C3AR1: variants seen among roughly 807,000 people sequenced by gnomAD.
C3AR1 encodes C3a anaphylatoxin chemotactic receptor.
For synonymous variants in C3AR1, 208 were observed against 225.3 expected (o/e 0.92, Z 0.69); for missense variants, 579 against 583.5 (o/e 0.99, Z 0.08).
chr12:8,058,076 T>C lies in C3AR1; in HGVS notation c.*661A>G, dbSNP rs1410200188. On this transcript the variant is annotated 3_prime_UTR_variant, in exon 2 of 2. Coordinates refer to ENST00000307637, the MANE Select transcript of C3AR1 (RefSeq NM_004054.4). ...CTTATTTAGTTGTAATAGTGGAAAC[T>C]CTATGTAATAGTGGAAATTTCTATA... Among the ~76,000 whole-genome samples the C allele has an allele frequency of 6.6e-6, 1 of 152,218 alleles. No homozygotes were observed.
chr12:8,058,594 A>G lies in C3AR1; in HGVS notation c.*143T>C. On this transcript the variant is annotated 3_prime_UTR_variant, in exon 2 of 2. Coordinates refer to ENST00000307637, the MANE Select transcript of C3AR1 (RefSeq NM_004054.4). The stretch of plus-strand genomic sequence containing the variant: ...AAGTTTCTAGGTGATGCTGATGTCA[A>G]TAGTCTGTGTACCGTTTGAGAACCG... 1.1e-6 allele frequency: 1 copy of G among 877,582 alleles called. No homozygotes were observed. The highest frequency in any genetic ancestry group is 1.8e-5 in the South Asian group (1 of 56,948). 54.4% of individuals were successfully genotyped at this position (877,582 alleles called of 1,614,324 possible).
rs997017656 is a variant in C3AR1, at chr12:8,058,123, C to T, written c.*614G>A. Among the ~76,000 whole-genome samples the T allele has an allele frequency of 6.6e-6, 1 of 152,170 alleles. No homozygotes were observed. The highest frequency in any genetic ancestry group is 1.5e-5 in the Non-Finnish European group (1 of 68,040). On this transcript the variant is annotated 3_prime_UTR_variant, in exon 2 of 2. Transcript: ENST00000307637. ...TATATCCTGTACCCAGGGGTGTTCC[C>T]AGGGACAGGCATCATTGCATAACCC...
At chr12:8,066,172 CAG>C (rs1947328956) in intron 1 of C3AR1, 104 bp downstream of exon 1, 1 of 152,078 alleles carries the variant, frequency 6.6e-6, no homozygotes, top group Non-Finnish European at 1.5e-5. Context: ...AATTCAAAGT[CAG>C]AGAAGGAATA....
At chr12:8,065,170 T>A (rs991268400) in intron 1 of C3AR1, among the ~76,000 whole-genome samples, 2 of 143,016 alleles carry the variant, frequency 1.4e-5, no homozygotes, top group Admixed American at 7.0e-5. Flanking sequence ...AAAATCACAT[T>A]AAAAAAAAAA....
rs777597971 is a variant in C3AR1 at position 8,060,012 on chromosome 12, T to A, written c.174A>T (p.Thr58=). 19 of 1,613,678 alleles carry A rather than the reference T, an allele frequency of 1.2e-5. No homozygotes were observed. The highest frequency in any genetic ancestry group is 1.6e-5 in the Non-Finnish European group (19 of 1,179,968). The part of the protein sequence containing the change: ...AGLKMQRTVN[T]IWFLHLTLAD... ...CCAAGGTGAGGTGGAGGAACCAAAT[T>A]GTGTTCACTGTCCGCTGCATCTTCA... The change falls in exon 2 of 2, where the codon ACA becomes ACT. Residue 58 remains threonine (T), a synonymous_variant. Transcript: ENST00000307637.
intron 1 of C3AR1, among the ~76,000 whole-genome samples, chr12:8,064,887 G>C (rs1947314673): frequency 1.3e-5 from 2 of 151,850 alleles, no homozygotes; most frequent in Admixed American, 6.6e-5. Flanking sequence ...TTGTTTGTTT[G>C]TTTGTTTGTA....
Position 8,059,972 on chromosome 12 carries a change from A to G in C3AR1, c.214T>C (p.Cys72Arg). The change falls in exon 2 of 2, where the codon TGC (cysteine) becomes CGC (arginine). Residue 72 changes from cysteine to arginine, a missense_variant. Coordinates refer to ENST00000307637, the MANE Select transcript of C3AR1 (RefSeq NM_004054.4). ...GCCAGCGAGAAGGGCAAGGAGAGGCAGCAGAGGAGGTCCGCCAAGGTGAGG... is the reference window on the plus strand; with the variant it reads ...GCCAGCGAGAAGGGCAAGGAGAGGCGGCAGAGGAGGTCCGCCAAGGTGAGG... ...LHLTLADLLC[C>R]LSLPFSLAHL... The G allele has an allele frequency of 6.2e-7, 1 of 1,614,174 alleles. No individual in the cohort carries two copies. The highest frequency in any genetic ancestry group is 8.5e-7 in the Non-Finnish European group (1 of 1,180,038).
intron 1 of C3AR1, among the ~76,000 whole-genome samples, chr12:8,061,460 A>G (rs919524746): frequency 3.3e-5 from 5 of 151,328 alleles, no homozygotes; most frequent in African/African-American, 9.7e-5. Context: ...TTTATTTATT[A>G]TTATTATTAT....
chr12:8,059,565 C>G lies in C3AR1; in HGVS notation c.621G>C (p.Met207Ile), dbSNP rs1455286627. Residue 207 changes from methionine to isoleucine, a missense_variant, in exon 2 of 2, where the codon ATG (methionine) becomes ATC (isoleucine). By Grantham distance (10) the Met-to-Ile change is conservative (BLOSUM62 1). Transcript: ENST00000307637. ...LENIVQPPGE[M>I]NDRLDPSSFQ... The stretch of plus-strand genomic sequence containing the variant: ...AAGAGGAAGGATCTAACCTATCATT[C>G]ATTTCTCCAGGCGGCTGAACAATGT... 4.3e-6 allele frequency: 7 copies of G among 1,614,198 alleles called. No individual in the cohort carries two copies. Among genetic ancestry groups the G allele is most frequent in the African/African-American group, 1.3e-5 (1 of 75,040 alleles).
chr12:8,058,491 T>G lies in C3AR1; in HGVS notation c.*246A>C. The G allele has an allele frequency of 4.5e-6, 2 of 447,842 alleles. No individual in the cohort carries two copies. Among genetic ancestry groups the G allele is most frequent in the Non-Finnish European group, 7.9e-6 (2 of 251,814 alleles). 27.7% of individuals were successfully genotyped at this position (447,842 alleles called of 1,614,324 possible). A position where few individuals can be genotyped will look rare whatever the true frequency, so the allele number is the denominator to read the frequency against. ...TAATCAGAAACGAGGGTTTGTTAAGTGCCCTTGCTGGGTCCCAACCCCCAG... is the reference window on the plus strand; with the variant it reads ...TAATCAGAAACGAGGGTTTGTTAAGGGCCCTTGCTGGGTCCCAACCCCCAG... On this transcript the variant is annotated 3_prime_UTR_variant, in exon 2 of 2. Transcript: ENST00000307637.
Position 8,058,541 on chromosome 12 carries a change from A to C in C3AR1, c.*196T>G. On this transcript the variant is annotated 3_prime_UTR_variant, in exon 2 of 2. Transcript: ENST00000307637. ...GAGATTCCGATTCAGCAAGTCTGGG[A>C]TGCGGCTTGAGAATTTGCATTTCTA... The C allele has an allele frequency of 1.7e-6, 1 of 603,624 alleles. No homozygotes were observed. Among genetic ancestry groups the C allele is most frequent in the Non-Finnish European group, 2.8e-6 (1 of 357,552 alleles). The allele number at this position is 603,624 out of a possible 1,614,324, so 37.4% of individuals were successfully genotyped here.
chr12:8,061,251 A>G (rs1387654139), intron 1 of C3AR1, among the ~76,000 whole-genome samples: 2 of 152,216 alleles, frequency 1.3e-5, no homozygotes, highest in African/African-American at 4.8e-5. Context: ...CATGAAGAAA[A>G]TTGGAAAATA....
At chr12:8,063,014 A>G (rs1432750355) in intron 1 of C3AR1, among the ~76,000 whole-genome samples, 1 of 119,868 alleles carries the variant, frequency 8.3e-6, no homozygotes, top group Non-Finnish European at 1.6e-5. Flanking sequence ...CTGGAGTGCA[A>G]TGGTGCGATC....
chr12:8,062,282 GC>G (rs1298745977), intron 1 of C3AR1, among the ~76,000 whole-genome samples: 4 of 151,934 alleles, frequency 2.6e-5, no homozygotes, highest in African/African-American at 9.7e-5. Context: ...TTTTCAGTTA[GC>G]AGTCTCCACA....
At chr12:8,063,098 C>CCACCACACAGCCTCCCG in intron 1 of C3AR1, among the ~76,000 whole-genome samples, 1 of 151,612 alleles carries the variant, frequency 6.6e-6, no homozygotes, top group Middle Eastern at 3.4e-3. Flanking sequence ...GCTGGGATTA[C>CCACCACACAGCCTCCCG]AGGCGTGTAC....
Position 8,058,583 on chromosome 12 carries a change from T to C in C3AR1, c.*154A>G, listed in dbSNP as rs898299275. On this transcript the variant is annotated 3_prime_UTR_variant, in exon 2 of 2. Transcript: ENST00000307637. ...GCATTTCTAACAAGTTTCTAGGTGATGCTGATGTCAATAGTCTGTGTACCG... is the reference window on the plus strand; with the variant it reads ...GCATTTCTAACAAGTTTCTAGGTGACGCTGATGTCAATAGTCTGTGTACCG... 8.8e-6 allele frequency: 7 copies of C among 797,816 alleles called. No individual in the cohort carries two copies. The highest frequency in any genetic ancestry group is 1.4e-5 in the Non-Finnish European group (7 of 504,918). 49.4% of individuals were successfully genotyped at this position (797,816 alleles called of 1,614,324 possible).
chr12:8,062,339 G>A (rs910264914), intron 1 of C3AR1, among the ~76,000 whole-genome samples: 18 of 151,926 alleles, frequency 1.2e-4, no homozygotes, highest in Non-Finnish European at 1.0e-4. Context: ...TATCTGTTTT[G>A]TTTCTGTTTG....
rs118104258 is a variant in C3AR1 at position 8,056,864 on chromosome 12, G to A, written c.*1873C>T. Among the ~76,000 whole-genome samples, 2,400 of 152,186 alleles carry A rather than the reference G, an allele frequency of 0.016. 34 individuals are homozygous for A. The highest frequency in any genetic ancestry group is 0.023 in the Non-Finnish European group (1,564 of 68,012). On this transcript the variant is annotated 3_prime_UTR_variant, in exon 2 of 2. Transcript: ENST00000307637. The stretch of plus-strand genomic sequence containing the variant: ...AAGGATTCATAAATCTCTGAGCCTC[G>A]CAAGGACCCATGAGAAAAAAAGCAT...
chr12:8,063,987 G>A (rs764173534), intron 1 of C3AR1, among the ~76,000 whole-genome samples: 9 of 152,042 alleles, frequency 5.9e-5, no homozygotes, highest in Non-Finnish European at 1.3e-4. Flanking sequence ...CACGAGAATC[G>A]CTTGAACTGG....
Sources: allele counts gnomAD v4.1 joint callset (sites outside exome capture counted in the v4.1 genomes callset), GRCh38; gene constraint gnomAD v4.1.1; transcripts MANE v1.5; gene names NCBI Gene and HGNC (gene_info 2026-07-23, HGNC 2026-07-21).